The following KAZN variants were observed in gnomAD, a reference collection of about 807,000 sequenced individuals.
The protein encoded by KAZN is kazrin, periplakin interacting protein.
A neutral mutation model predicts 87.4 loss-of-function variants in KAZN; 40 were observed. That is an observed-to-expected ratio of 0.46 (90% CI 0.36 to 0.60). The LOEUF (loss-of-function observed/expected upper bound fraction) is 0.60, where lower values mean the gene tolerates loss of function less well. Ranked by LOEUF, KAZN falls within the 20% of genes least tolerant of loss-of-function variation. The pLI is 0.00. For missense variants in KAZN, 898 were observed against 1,073.9 expected (o/e 0.84, Z 2.29); for synonymous variants, 466 against 458.3 (o/e 1.02, Z -0.22).
At chr1:14,445,107 C>T (rs1237250757) in intron 2 of KAZN, among the ~76,000 whole-genome samples, 1 of 151,798 alleles carries the variant, frequency 6.6e-6, no homozygotes, top group East Asian at 1.9e-4. Context: ...TTCACTACAA[C>T]TTCCGCCTCC....
intron 1 of KAZN, among the ~76,000 whole-genome samples, chr1:14,833,871 C>T (rs947878371): frequency 6.6e-6 from 1 of 151,200 alleles, no homozygotes; most frequent in African/African-American, 2.5e-5. Flanking sequence ...ACCTGAAATT[C>T]GGGTTTGCCA....
chr1:14,174,823 A>C (rs1460590575), intron 1 of KAZN, among the ~76,000 whole-genome samples: 3 of 152,146 alleles, frequency 2.0e-5, no homozygotes, highest in Non-Finnish European at 4.4e-5. Flanking sequence ...CACGTGCTTT[A>C]TACAATCTGT....
chr1:14,098,031 A>ATT lies in KAZN; in HGVS notation c.92-82393_92-82392dup, dbSNP rs529277894. On this transcript the variant is annotated intron_variant, in intron 1 of 16. Coordinates refer to the KAZN transcript ENST00000636203. ...CTTCACCACAACCTTGGAAGGTAGGATTTTTTTTTTTTATTATCTCCATTT... is the reference window on the plus strand; with the variant it reads ...CTTCACCACAACCTTGGAAGGTAGGATTTTTTTTTTTTTTATTATCTCCATTT... 2.7e-3 allele frequency among the ~76,000 whole-genome samples: 401 copies of ATT among 147,612 alleles called. 10 individuals are homozygous for ATT. In the South Asian group the frequency reaches 0.068, roughly 25 times the overall value.
At chr1:14,867,735 C>CT (rs778539890) in intron 1 of KAZN, among the ~76,000 whole-genome samples, 2 of 121,458 alleles carry the variant, frequency 1.6e-5, no homozygotes, top group South Asian at 7.5e-4. Context: ...CCCCCCCCCC[C>CT]ACCCTGGGCA....
chr1:14,960,429 C>T (rs1663700727), intron 1 of KAZN, among the ~76,000 whole-genome samples: 1 of 152,170 alleles, frequency 6.6e-6, no homozygotes, highest in South Asian at 2.1e-4. Flanking sequence ...ACTCTGAGTG[C>T]AGGACAGCGG....
chr1:14,844,670 G>A (rs947148545), intron 1 of KAZN, among the ~76,000 whole-genome samples: 1 of 152,182 alleles, frequency 6.6e-6, no homozygotes, highest in Non-Finnish European at 1.5e-5. Flanking sequence ...AGATGATAGA[G>A]CCCCTTTCCT....
intron 10 of KAZN, among the ~76,000 whole-genome samples, chr1:15,098,963 G>A (rs566586227): frequency 3.3e-5 from 5 of 152,320 alleles, no homozygotes; most frequent in East Asian, 1.9e-4. Context: ...GGCCAGATGC[G>A]TAACCATGAA....
At chr1:14,946,962 C>T (rs1024859286) in intron 1 of KAZN, among the ~76,000 whole-genome samples, 3 of 152,170 alleles carry the variant, frequency 2.0e-5, no homozygotes, top group Admixed American at 6.5e-5. Flanking sequence ...CTCTCCCGCC[C>T]GGAGCTAGAC....
intron 1 of KAZN, among the ~76,000 whole-genome samples, chr1:14,737,446 C>G (rs1489790159): frequency 6.6e-6 from 1 of 152,182 alleles, no homozygotes; most frequent in African/African-American, 2.4e-5. Flanking sequence ...GAAGCAGGCA[C>G]AGAAACCACA....
At chr1:13,979,993 G>T (rs1470683004) in intron 1 of KAZN, among the ~76,000 whole-genome samples, 1 of 149,140 alleles carries the variant, frequency 6.7e-6, no homozygotes, top group Non-Finnish European at 1.5e-5. Flanking sequence ...TATAAAAATA[G>T]CCACACAAGG....
At chr1:14,127,854 G>A (rs1256492879) in intron 1 of KAZN, among the ~76,000 whole-genome samples, 1 of 152,128 alleles carries the variant, frequency 6.6e-6, no homozygotes, top group East Asian at 1.9e-4. Flanking sequence ...TTGGCTCGTG[G>A]GGTTGTTCTG....
intron 1 of KAZN, among the ~76,000 whole-genome samples, chr1:13,905,045 T>C (rs1639387026): frequency 6.6e-6 from 1 of 152,236 alleles, no homozygotes; most frequent in Non-Finnish European, 1.5e-5. Flanking sequence ...GCAATTCATT[T>C]TTCATTGAAT....
chr1:14,372,942 G>A (rs544608701), intron 2 of KAZN, among the ~76,000 whole-genome samples: 1 of 152,184 alleles, frequency 6.6e-6, no homozygotes, highest in East Asian at 1.9e-4. Flanking sequence ...CAGAAACAGG[G>A]GATAGAGATA....
rs1025911946 is a variant in KAZN, at chr1:14,418,649, G to A, written c.250-180334G>A. Among the ~76,000 whole-genome samples the A allele has an allele frequency of 1.6e-4, 25 of 152,128 alleles. 1 individual carries two copies. The highest frequency in any genetic ancestry group is 1.6e-3 in the Admixed American group (24 of 15,270). ...TCTGATTTTCCTAGTCAGAGGCAAGGCATTTTTCAGGAGATCCAATGCTTG... is the reference window on the plus strand; with the variant it reads ...TCTGATTTTCCTAGTCAGAGGCAAGACATTTTTCAGGAGATCCAATGCTTG... On this transcript the variant is annotated intron_variant, in intron 2 of 16. Transcript: ENST00000636203.
At chr1:14,071,112 C>A (rs1273223888) in intron 1 of KAZN, among the ~76,000 whole-genome samples, 1 of 152,058 alleles carries the variant, frequency 6.6e-6, no homozygotes, top group Non-Finnish European at 1.5e-5. Flanking sequence ...GGATTGAAGC[C>A]CATGTGTACA....
intron 2 of KAZN, among the ~76,000 whole-genome samples, chr1:14,209,964 G>A (rs1296331931): frequency 6.6e-6 from 1 of 152,134 alleles, no homozygotes; most frequent in Non-Finnish European, 1.5e-5. Flanking sequence ...TCCCTCTGAT[G>A]TAGCTTCATC....
chr1:14,268,324 T>G (rs1421422053), intron 2 of KAZN, among the ~76,000 whole-genome samples: 1 of 152,206 alleles, frequency 6.6e-6, no homozygotes, highest in African/African-American at 2.4e-5. Context: ...GCCTAGCACA[T>G]AGGGCCGACT....
chr1:15,010,467 T>C lies in KAZN; in HGVS notation c.419-24282T>C, dbSNP rs187570932. ...GTGCAGTGGCGCAATCTCGGTTCAC[T>C]GCAAGCTCCGCCTCCCAGGTTCCCG... On this transcript the variant is annotated intron_variant, in intron 2 of 14. Transcript: ENST00000376030. Among the ~76,000 whole-genome samples the C allele has an allele frequency of 1.6e-3, 237 of 147,416 alleles. 1 individual carries two copies. Among genetic ancestry groups the C allele is most frequent in the African/African-American group, 5.6e-3 (223 of 40,074 alleles).
intron 2 of KAZN, among the ~76,000 whole-genome samples, chr1:14,208,017 C>T (rs1368168564): frequency 6.6e-6 from 1 of 152,216 alleles, no homozygotes; most frequent in Non-Finnish European, 1.5e-5. Flanking sequence ...CCATTCCCCT[C>T]TCATTTGTTG....
Sources: allele counts gnomAD v4.1 joint callset (sites outside exome capture counted in the v4.1 genomes callset), GRCh38; gene constraint gnomAD v4.1.1; transcripts MANE v1.5; gene names NCBI Gene and HGNC (gene_info 2026-07-23, HGNC 2026-07-21).